GPR158: variants seen among roughly 807,000 people sequenced by gnomAD.
The protein encoded by GPR158 is metabotropic glycine receptor.
A neutral mutation model predicts 78.2 loss-of-function variants in GPR158; 30 were observed. The observed-to-expected ratio is 0.38, with a 90% CI of 0.29 to 0.52. The LOEUF (loss-of-function observed/expected upper bound fraction) is 0.52, where lower values mean the gene tolerates loss of function less well. Among genes scored for constraint, GPR158 ranks in the 20% least tolerant of loss-of-function variants. The pLI, the probability that GPR158 is intolerant of heterozygous loss-of-function variation, is 0.83. For synonymous variants in GPR158, 581 were observed against 591.1 expected, an observed-to-expected ratio of 0.98 and a Z score of 0.25; for missense variants, 1,463 against 1,523.5, an observed-to-expected ratio of 0.96 and a Z score of 0.66.
chr10:25,220,954 C>T (rs1853291705), intron 1 of GPR158, 98 bp from the exon 2 acceptor site: 3 of 728,350 alleles, frequency 4.1e-6, no homozygotes, highest in Non-Finnish European at 6.7e-6. Flanking sequence ...CAATTTTTGG[C>T]ATGTTCTTTA....
chr10:25,315,780 A>G (rs1854838860), intron 2 of GPR158, among the ~76,000 whole-genome samples: 1 of 151,978 alleles, frequency 6.6e-6, no homozygotes, highest in Non-Finnish European at 1.5e-5. Context: ...TGCCTTTTGA[A>G]ATACCTTTAG....
chr10:25,337,479 A>T (rs1252434379), intron 2 of GPR158, among the ~76,000 whole-genome samples: 1 of 152,054 alleles, frequency 6.6e-6, no homozygotes, highest in Non-Finnish European at 1.5e-5. Context: ...TTGCGTAGCA[A>T]TAGTAGTTTA....
intron 5 of GPR158, among the ~76,000 whole-genome samples, chr10:25,509,506 C>T (rs1258508188): frequency 1.3e-5 from 2 of 152,126 alleles, no homozygotes. Flanking sequence ...TGACATTTTT[C>T]TGAAGGTTTC....
At chr10:25,437,543 T>C (rs1328133445) in intron 4 of GPR158, among the ~76,000 whole-genome samples, 1 of 152,186 alleles carries the variant, frequency 6.6e-6, no homozygotes, top group Non-Finnish European at 1.5e-5. Context: ...GGATTTTGAT[T>C]GAGATTGCAT....
At chr10:25,469,019 G>C (rs562367218) in intron 5 of GPR158, among the ~76,000 whole-genome samples, 56 of 152,286 alleles carry the variant, frequency 3.7e-4, no homozygotes, top group African/African-American at 1.3e-3. Context: ...TGTAAGAGAA[G>C]GAAAGGTACG....
intron 1 of GPR158, among the ~76,000 whole-genome samples, chr10:25,200,203 C>G (rs765180334): frequency 6.6e-6 from 1 of 152,124 alleles, no homozygotes; most frequent in African/African-American, 2.4e-5. Flanking sequence ...TTAATAACAG[C>G]CATTCTGACT....
At chr10:25,261,110 C>G (rs1853961986) in intron 2 of GPR158, among the ~76,000 whole-genome samples, 1 of 152,106 alleles carries the variant, frequency 6.6e-6, no homozygotes, top group South Asian at 2.1e-4. Flanking sequence ...TTTAAAAATC[C>G]TGATGCTCGG....
At chr10:25,208,476 G>A (rs547559261) in intron 1 of GPR158, among the ~76,000 whole-genome samples, 9 of 151,152 alleles carry the variant, frequency 6.0e-5, no homozygotes, top group African/African-American at 1.9e-4. Flanking sequence ...ATCTTATATT[G>A]GTATATATGA....
At chr10:25,263,936 A>T (rs1588765234) in intron 2 of GPR158, among the ~76,000 whole-genome samples, 1 of 151,532 alleles carries the variant, frequency 6.6e-6, no homozygotes, top group South Asian at 2.1e-4. Context: ...GACTGTCTTT[A>T]AAAAAATGAA....
intron 2 of GPR158, among the ~76,000 whole-genome samples, chr10:25,305,731 A>G (rs892170999): frequency 1.3e-5 from 2 of 152,192 alleles, no homozygotes; most frequent in African/African-American, 2.4e-5. Flanking sequence ...AGAGGCAGAA[A>G]AAACAGCAAC....
At chr10:25,221,530 C>A (rs1442641010) in intron 2 of GPR158, among the ~76,000 whole-genome samples, 1 of 152,108 alleles carries the variant, frequency 6.6e-6, no homozygotes, top group East Asian at 1.9e-4. Context: ...TGGTGGTATT[C>A]ATTCAGACAC....
Position 25,466,655 on chromosome 10 carries a change from T to C in GPR158, c.1340T>C (p.Ile447Thr). 3 of 1,601,972 alleles carry C rather than the reference T, an allele frequency of 1.9e-6. No individual in the cohort carries two copies. The highest frequency in any genetic ancestry group is 2.6e-6 in the Non-Finnish European group (3 of 1,172,024). ...GTTTTTATTTTGTTTTTTCAGAGCA[T>C]CCGGGCATCGGGCCTTATCCTGTTG... ...VVYHFRKAKS[I>T]RASGLILLET... is the part of the protein sequence containing the mutation. The change falls in exon 5 of 11, where the codon ATC becomes ACC. Residue 447 changes from isoleucine to threonine, a missense_variant. Transcript: ENST00000376351.
chr10:25,245,043 T>A (rs1371897744), intron 2 of GPR158, among the ~76,000 whole-genome samples: 1 of 152,234 alleles, frequency 6.6e-6, no homozygotes, highest in Non-Finnish European at 1.5e-5. Context: ...GCATTACCTA[T>A]CCCAGTCATT....
chr10:25,189,202 C>G (rs191461757), intron 1 of GPR158, among the ~76,000 whole-genome samples: 6 of 152,234 alleles, frequency 3.9e-5, no homozygotes, highest in Non-Finnish European at 8.8e-5. Flanking sequence ...TAAACTAGTT[C>G]AACCATTGTG....
chr10:25,182,631 A>G (rs1178381029), intron 1 of GPR158, among the ~76,000 whole-genome samples: 1 of 152,192 alleles, frequency 6.6e-6, no homozygotes, highest in Non-Finnish European at 1.5e-5. Context: ...GGATAAGCCA[A>G]ATGTTACTTT....
chr10:25,428,362 C>T (rs1253387292), intron 4 of GPR158, among the ~76,000 whole-genome samples: 1 of 151,990 alleles, frequency 6.6e-6, no homozygotes, highest in African/African-American at 2.4e-5. Context: ...TTCTTTGACT[C>T]TTTGAATCTA....
intron 5 of GPR158, among the ~76,000 whole-genome samples, chr10:25,515,315 C>A (rs550743423): frequency 4.0e-4 from 61 of 151,754 alleles, no homozygotes; most frequent in Non-Finnish European, 7.1e-4. Flanking sequence ...TTGCATTTCG[C>A]TAAGTATGTC....
chr10:25,449,445 G>A (rs1835184765), intron 4 of GPR158, among the ~76,000 whole-genome samples: 1 of 152,180 alleles, frequency 6.6e-6, no homozygotes, highest in South Asian at 2.1e-4. Context: ...TCTTATCAAT[G>A]TTGCTTTCAA....
chr10:25,352,255 CT>C (rs893134465), intron 2 of GPR158, among the ~76,000 whole-genome samples: 3 of 152,034 alleles, frequency 2.0e-5, no homozygotes, highest in African/African-American at 7.2e-5. Context: ...AAGCCCATTA[CT>C]TTAGTTAATT....
Sources: gnomAD v4.1 joint callset for allele counts (sites outside exome capture counted in the v4.1 genomes callset) on GRCh38, gnomAD v4.1.1 for gene constraint, MANE v1.5 for transcripts, NCBI Gene and HGNC (gene_info 2026-07-23, HGNC 2026-07-21) for gene names.